Variants in GRID1 observed in about 807,000 individuals in gnomAD.
GRID1 encodes glutamate receptor ionotropic, delta-1.
GRID1 carries 28 observed loss-of-function variants against 98.0 expected under a neutral mutation model. The observed-to-expected ratio is 0.29, with a 90% CI of 0.21 to 0.39. GRID1 has a LOEUF of 0.39. GRID1 is among the 10% of genes least tolerant of loss of function. The pLI, the probability that GRID1 is intolerant of heterozygous loss-of-function variation, is 1.00. For missense variants in GRID1, 1,111 were observed against 1,340.5 expected, an observed-to-expected ratio of 0.83 and a Z score of 2.67; for synonymous variants, 553 against 538.5, an observed-to-expected ratio of 1.03 and a Z score of -0.37.
chr10:85,873,253 A>C (rs948992515), intron 5 of GRID1, among the ~76,000 whole-genome samples: 6 of 152,188 alleles, frequency 3.9e-5, no homozygotes, highest in Admixed American at 3.3e-4. Flanking sequence ...AGGGCAATCC[A>C]AGTGGCTTCT....
At chr10:85,752,558 T>C (rs1842058095) in intron 8 of GRID1, among the ~76,000 whole-genome samples, 1 of 152,246 alleles carries the variant, frequency 6.6e-6, no homozygotes, top group South Asian at 2.1e-4. Context: ...TTGTAATTAA[T>C]GAATATTTCA....
chr10:85,801,950 C>G (rs1842580171), intron 8 of GRID1, among the ~76,000 whole-genome samples: 1 of 151,896 alleles, frequency 6.6e-6, no homozygotes, highest in South Asian at 2.1e-4. Context: ...TATAAAATCT[C>G]TCTATAAATG....
At chr10:85,931,739 A>G (rs1303017533) in intron 4 of GRID1, among the ~76,000 whole-genome samples, 1 of 152,166 alleles carries the variant, frequency 6.6e-6, no homozygotes, top group African/African-American at 2.4e-5. Context: ...TCTGTTTCAT[A>G]TAAAAGACAT....
intron 12 of GRID1, among the ~76,000 whole-genome samples, chr10:85,681,207 A>G (rs7899098): frequency 0.03 from 4,590 of 152,184 alleles, 205 homozygotes; most frequent in African/African-American, 0.1. Context: ...CTCATGTTCA[A>G]GTTGGCTCCC....
chr10:85,798,909 C>T lies in GRID1; in HGVS notation c.1233+55587G>A, dbSNP rs61049368. 9.3e-3 allele frequency among the ~76,000 whole-genome samples: 1,408 copies of T among 152,036 alleles called. 16 individuals are homozygous for T. The highest frequency in any genetic ancestry group is 0.032 in the African/African-American group (1,328 of 41,500). The stretch of plus-strand genomic sequence containing the variant: ...TTGTTGTCTTTTTTTTGAGGTCTTA[C>T]ATAAAAAGTTATTGCCTAGACCAAT... On this transcript the variant is annotated intron_variant, in intron 8 of 15. Transcript: ENST00000327946.
chr10:85,782,845 C>T (rs941863399), intron 8 of GRID1, among the ~76,000 whole-genome samples: 1 of 152,186 alleles, frequency 6.6e-6, no homozygotes, highest in African/African-American at 2.4e-5. Flanking sequence ...ACGTGCACGT[C>T]TAAATCTTCT....
At chr10:85,817,991 G>A (rs1019862617) in intron 8 of GRID1, among the ~76,000 whole-genome samples, 1 of 152,220 alleles carries the variant, frequency 6.6e-6, no homozygotes, top group Admixed American at 6.5e-5. Context: ...TGGAAACAGT[G>A]ATTTGCTTGG....
intron 12 of GRID1, among the ~76,000 whole-genome samples, chr10:85,704,039 A>G (rs1373157901): frequency 6.6e-6 from 1 of 152,010 alleles, no homozygotes; most frequent in Non-Finnish European, 1.5e-5. Context: ...ATTTTCTTTA[A>G]GAATGTTGAA....
At chr10:86,116,711 C>T (rs925104366) in intron 4 of GRID1, among the ~76,000 whole-genome samples, 1 of 152,172 alleles carries the variant, frequency 6.6e-6, no homozygotes, top group Non-Finnish European at 1.5e-5. Flanking sequence ...CCCCCCACCA[C>T]CACCATTTAT....
intron 4 of GRID1, among the ~76,000 whole-genome samples, chr10:85,978,704 G>A (rs537533104): frequency 2.0e-5 from 3 of 152,286 alleles, no homozygotes; most frequent in African/African-American, 7.2e-5. Context: ...CTGCCTGCAT[G>A]AGCTCTTATT....
chr10:86,136,066 G>A (rs1428290241), intron 4 of GRID1, among the ~76,000 whole-genome samples: 2 of 152,164 alleles, frequency 1.3e-5, no homozygotes, highest in Non-Finnish European at 2.9e-5. Flanking sequence ...GACATGTTCT[G>A]GCAGTGTGTC....
intron 2 of GRID1, among the ~76,000 whole-genome samples, chr10:86,277,005 A>G (rs919582730): frequency 6.6e-6 from 1 of 152,222 alleles, no homozygotes; most frequent in Non-Finnish European, 1.5e-5. Flanking sequence ...AAGATACCTA[A>G]AGTCATCAAA....
At chr10:86,199,415 T>C (rs1181777966) in intron 3 of GRID1, among the ~76,000 whole-genome samples, 1 of 152,126 alleles carries the variant, frequency 6.6e-6, no homozygotes, top group Non-Finnish European at 1.5e-5. Flanking sequence ...AATGCCACAA[T>C]AAATCTTTGT....
chr10:86,329,500 C>G (rs1848106718), intron 2 of GRID1, among the ~76,000 whole-genome samples: 1 of 152,172 alleles, frequency 6.6e-6, no homozygotes, highest in African/African-American at 2.4e-5. Flanking sequence ...GCAAGGAGCC[C>G]CCTGCCTACT....
intron 4 of GRID1, among the ~76,000 whole-genome samples, chr10:86,074,714 C>T (rs992080968): frequency 1.3e-5 from 2 of 152,176 alleles, no homozygotes; most frequent in Non-Finnish European, 2.9e-5. Flanking sequence ...TAGAACTCAG[C>T]AGTGCTCCCA....
At position 85,727,918 on chromosome 10, in the gene GRID1, G is replaced by C. The variant is rs760141929; in HGVS notation, c.1470C>G (p.Gly490=). 6.2e-7 allele frequency: 1 copy of C among 1,613,932 alleles called. No homozygotes were observed. Among genetic ancestry groups the C allele is most frequent in the South Asian group, 1.1e-5 (1 of 91,068 alleles). Reference sequence around the variant, plus strand: ...TGTTATGGAGCTGGTGACCGTACCTGCCATCAGGGGCTTGGTAAATCTCAT... The same window carrying C: ...TGTTATGGAGCTGGTGACCGTACCTCCCATCAGGGGCTTGGTAAATCTCAT... ...FKYEIYQAPD[G]RYGHQLHNTS... is the part of the protein sequence containing the mutation. The change falls in exon 10 of 16, where the codon GGC becomes GGG. Residue 490 remains glycine (G), a synonymous_variant. Coordinates refer to ENST00000327946, the MANE Select transcript of GRID1 (RefSeq NM_017551.3).
At chr10:86,153,303 G>A (rs1398467728) in intron 3 of GRID1, among the ~76,000 whole-genome samples, 1 of 152,220 alleles carries the variant, frequency 6.6e-6, no homozygotes, top group Admixed American at 6.5e-5. Flanking sequence ...CAGTGGGCTG[G>A]AGCCCATCCT....
intron 4 of GRID1, among the ~76,000 whole-genome samples, chr10:86,113,159 T>C (rs1025215203): frequency 6.6e-6 from 1 of 151,890 alleles, no homozygotes; most frequent in African/African-American, 2.4e-5. Flanking sequence ...AGCCAGAGGG[T>C]TCACTAAAGA....
At chr10:85,741,539 A>C (rs537652866) in intron 8 of GRID1, among the ~76,000 whole-genome samples, 1 of 152,078 alleles carries the variant, frequency 6.6e-6, no homozygotes, top group African/African-American at 2.4e-5. Flanking sequence ...GGAGAAGAAC[A>C]GTTTCTATAT....
Sources: gnomAD v4.1 joint callset for allele counts (sites outside exome capture counted in the v4.1 genomes callset) on GRCh38, gnomAD v4.1.1 for gene constraint, MANE v1.5 for transcripts, NCBI Gene and HGNC (gene_info 2026-07-23, HGNC 2026-07-21) for gene names.